Variants in NKAIN2 observed in about 807,000 individuals in gnomAD.
The protein encoded by NKAIN2 is sodium/potassium-transporting ATPase subunit beta-1-interacting protein 2.
A neutral mutation model predicts 32.6 loss-of-function variants in NKAIN2; 14 were observed. The ratio of observed to expected loss-of-function variants is 0.43; its 90% CI spans 0.28 to 0.67. NKAIN2 has a LOEUF of 0.67. Ranked by LOEUF, NKAIN2 falls within the 30% of genes least tolerant of loss-of-function variation. The pLI is 0.17. For missense variants in NKAIN2, 198 were observed against 258.3 expected, an observed-to-expected ratio of 0.77 and a Z score of 1.60; for synonymous variants, 80 against 87.2, an observed-to-expected ratio of 0.92 and a Z score of 0.46.
chr6:124,682,238 C>A (rs1773658170), intron 4 of NKAIN2, among the ~76,000 whole-genome samples: 1 of 151,770 alleles, frequency 6.6e-6, no homozygotes, highest in African/African-American at 2.4e-5. Flanking sequence ...CTTTAAACAG[C>A]CAGAGAGCTA....
In NKAIN2 at chr6:124,406,506, A is replaced by G. The variant is rs1773864853; in HGVS notation, c.273+51159A>G. Among the ~76,000 whole-genome samples the G allele has an allele frequency of 2.0e-5, 3 of 152,160 alleles. No individual in the cohort carries two copies. The South Asian group carries it at 6.2e-4, about 32-fold the overall frequency. On this transcript the variant is annotated intron_variant, in intron 3 of 6. Coordinates refer to ENST00000368417, the MANE Select transcript of NKAIN2 (RefSeq NM_001040214.3). ...CAGGTTGTTTCATTGTTGAAAGTAT[A>G]TGTCCATACAAAGACTTGTATATAA...
chr6:124,365,726 C>T (rs1204990002), intron 3 of NKAIN2, among the ~76,000 whole-genome samples: 3 of 151,780 alleles, frequency 2.0e-5, no homozygotes, highest in East Asian at 3.9e-4. Flanking sequence ...AAAGGGTTTT[C>T]AAAGGCATAT....
chr6:124,168,248 T>G (rs950314602), intron 1 of NKAIN2, among the ~76,000 whole-genome samples: 4 of 152,162 alleles, frequency 2.6e-5, no homozygotes, highest in Non-Finnish European at 5.9e-5. Context: ...ACAAGTTAAC[T>G]GAAGGACTAA....
rs570418107 is a variant in NKAIN2 at position 123,931,957 on chromosome 6, C to G, written c.54+127703C>G. 2.2e-4 allele frequency among the ~76,000 whole-genome samples: 33 copies of G among 152,262 alleles called. 1 individual carries two copies. Among genetic ancestry groups the G allele is most frequent in the African/African-American group, 7.9e-4 (33 of 41,550 alleles). On this transcript the variant is annotated intron_variant, in intron 1 of 6. Coordinates refer to ENST00000368417, the MANE Select transcript of NKAIN2 (RefSeq NM_001040214.3). ...AGCTACTCTCCTGAAATTGCTTCCT[C>G]CAAGGTCACTCAAGAATATATACTT...
intron 3 of NKAIN2, among the ~76,000 whole-genome samples, chr6:124,469,236 T>C (rs928791825): frequency 6.6e-6 from 1 of 152,196 alleles, no homozygotes; most frequent in Non-Finnish European, 1.5e-5. Context: ...TTCCTTTTTC[T>C]TTTTGATGGA....
At chr6:124,493,171 C>A (rs1193694804) in intron 3 of NKAIN2, among the ~76,000 whole-genome samples, 1 of 151,892 alleles carries the variant, frequency 6.6e-6, no homozygotes, top group Non-Finnish European at 1.5e-5. Context: ...AGAATTAAAT[C>A]TACACATTAT....
intron 1 of NKAIN2, among the ~76,000 whole-genome samples, chr6:124,170,217 C>G (rs1163681407): frequency 6.6e-6 from 1 of 152,154 alleles, no homozygotes; most frequent in Non-Finnish European, 1.5e-5. Flanking sequence ...TGCACTCTCT[C>G]TTTTTCCACT....
chr6:124,576,716 T>C (rs574475264), intron 3 of NKAIN2, among the ~76,000 whole-genome samples: 12 of 152,284 alleles, frequency 7.9e-5, no homozygotes, highest in African/African-American at 2.9e-4. Flanking sequence ...AGTTCACTGA[T>C]AGGGTTGTAA....
chr6:124,332,203 G>GCAT (rs896095351), intron 2 of NKAIN2, among the ~76,000 whole-genome samples: 3 of 151,418 alleles, frequency 2.0e-5, no homozygotes, highest in African/African-American at 7.3e-5. Context: ...TCAAGTTCAT[G>GCAT]CATATATATG....
rs537103240 is a variant in NKAIN2 at position 124,599,322 on chromosome 6, T to C, written c.274-58864T>C. 2.0e-5 allele frequency among the ~76,000 whole-genome samples: 3 copies of C among 152,226 alleles called. No individual in the cohort carries two copies. In the South Asian group the frequency reaches 6.2e-4, roughly 32 times the overall value. ...GATGTATGAAAGATAATAACTGATT[T>C]TGAAATATGGAGATCCTCTGTTTAA... On this transcript the variant is annotated intron_variant, in intron 3 of 6. Transcript: ENST00000368417.
chr6:124,070,843 A>AC (rs1307408517), intron 1 of NKAIN2, among the ~76,000 whole-genome samples: 2 of 152,116 alleles, frequency 1.3e-5, no homozygotes, highest in Non-Finnish European at 2.9e-5. Context: ...GCATCACATT[A>AC]CCCCACTTCA....
chr6:124,227,061 A>G (rs959344043), intron 1 of NKAIN2, among the ~76,000 whole-genome samples: 4 of 145,216 alleles, frequency 2.8e-5, no homozygotes, highest in African/African-American at 1.0e-4. Flanking sequence ...AGTTTGGAAG[A>G]TTCACTATTG....
At chr6:124,333,804 G>A (rs1349342114) in intron 2 of NKAIN2, among the ~76,000 whole-genome samples, 2 of 152,072 alleles carry the variant, frequency 1.3e-5, no homozygotes, top group Non-Finnish European at 2.9e-5. Flanking sequence ...TAATTCAGAA[G>A]GTAAGCCTAT....
intron 3 of NKAIN2, among the ~76,000 whole-genome samples, chr6:124,615,531 C>A (rs542541834): frequency 6.6e-6 from 1 of 152,100 alleles, no homozygotes; most frequent in African/African-American, 2.4e-5. Context: ...AACAAGCAAC[C>A]AAAATCAGTC....
rs192190751 is a variant in NKAIN2 at position 124,391,674 on chromosome 6, T to G, written c.273+36327T>G. 2.9e-3 allele frequency among the ~76,000 whole-genome samples: 446 copies of G among 152,292 alleles called. 1 individual carries two copies. The highest frequency in any genetic ancestry group is 0.01 in the African/African-American group (427 of 41,574). On this transcript the variant is annotated intron_variant, in intron 3 of 6. Transcript: ENST00000368417. ...AAATATAATTTTTCAAGTTGTCTTCTAAGATTCAGAGTTCTCAGTTTCAAC... is the reference window on the plus strand; with the variant it reads ...AAATATAATTTTTCAAGTTGTCTTCGAAGATTCAGAGTTCTCAGTTTCAAC...
chr6:124,607,794 T>G (rs1024001895), intron 3 of NKAIN2, among the ~76,000 whole-genome samples: 1 of 152,132 alleles, frequency 6.6e-6, no homozygotes, highest in Non-Finnish European at 1.5e-5. Flanking sequence ...ATGTATTCAG[T>G]AGAAACTGTA....
intron 1 of NKAIN2, among the ~76,000 whole-genome samples, chr6:124,157,095 T>G (rs1362537225): frequency 1.1e-5 from 1 of 93,890 alleles, no homozygotes; most frequent in Non-Finnish European, 1.9e-5. Context: ...AGAGTGAGAC[T>G]CTGTCTCAAA....
chr6:123,982,855 CAA>C, intron 1 of NKAIN2, among the ~76,000 whole-genome samples: 1 of 152,126 alleles, frequency 6.6e-6, no homozygotes. Flanking sequence ...ATATGAGATG[CAA>C]AAGAAACAAT....
intron 3 of NKAIN2, among the ~76,000 whole-genome samples, chr6:124,486,448 G>T (rs949573602): frequency 6.6e-6 from 1 of 152,088 alleles, no homozygotes; most frequent in South Asian, 2.1e-4. Flanking sequence ...TTGTGTTTCA[G>T]ATTTCTGTGT....
Sources: gnomAD v4.1 joint callset for allele counts (sites outside exome capture counted in the v4.1 genomes callset) on GRCh38, gnomAD v4.1.1 for gene constraint, MANE v1.5 for transcripts, NCBI Gene and HGNC (gene_info 2026-07-23, HGNC 2026-07-21) for gene names.